Variants in MRE11 observed in about 807,000 individuals in gnomAD.
MRE11 encodes the protein double-strand break repair protein MRE11.
MRE11 carries 62 observed loss-of-function variants against 91.7 expected under a neutral mutation model. The observed-to-expected ratio is 0.68, with a 90% CI of 0.55 to 0.84. The LOEUF is 0.84. Among genes scored for constraint, MRE11 ranks in the 40% least tolerant of loss-of-function variants. MRE11 has a pLI of 0.00. For missense variants in MRE11, 796 were observed against 852.9 expected (o/e 0.93, Z 0.83); for synonymous variants, 273 against 271.4 (o/e 1.01, Z -0.06).
the MRE11 span, among the ~76,000 whole-genome samples, chr11:94,504,938 C>T: frequency 6.6e-6 from 1 of 151,988 alleles, no homozygotes; most frequent in African/African-American, 2.4e-5. Flanking sequence ...AATGATGTAT[C>T]GCCTATACTG....
rs147709039 is a variant in MRE11 at position 94,425,819 on chromosome 11, C to T, written c.2070+4092G>A. 3.3e-5 allele frequency among the ~76,000 whole-genome samples: 5 copies of T among 152,152 alleles called. No individual in the cohort carries two copies. The East Asian group carries it at 9.6e-4, about 29-fold the overall frequency. On this transcript the variant is annotated intron_variant, in intron 19 of 19. Coordinates refer to ENST00000323929, the MANE Select transcript of MRE11 (RefSeq NM_005591.4). ...CTAACTATGCCAAATATATACATGC[C>T]CAGATTCATAAATCAAGTTCTGCTT...
intron 19 of MRE11, among the ~76,000 whole-genome samples, chr11:94,428,617 A>G (rs1236919562): frequency 2.0e-5 from 3 of 152,150 alleles, no homozygotes; most frequent in Admixed American, 1.3e-4. Context: ...TAATCCCAGC[A>G]CTTTGGGAGG....
At position 94,418,891 on chromosome 11, in the gene MRE11, GTC is replaced by G. The variant is rs1476006740; in HGVS notation, c.*1232_*1233del. On this transcript the variant is annotated 3_prime_UTR_variant, in exon 20 of 20. Transcript: ENST00000323929. The stretch of plus-strand genomic sequence containing the variant: ...TGAGGCAGCCACTAACCAAGTGTCT[GTC>G]TCTTATAATTTGACACATTCCAGGT... The G allele has an allele frequency of 1.3e-5, 3 of 230,862 alleles. No individual in the cohort carries two copies. 14.3% of individuals were successfully genotyped at this position (230,862 alleles called of 1,614,324 possible).
chr11:94,433,808 G>A (rs1024369064), intron 18 of MRE11, among the ~76,000 whole-genome samples: 1 of 152,200 alleles, frequency 6.6e-6, no homozygotes, highest in East Asian at 1.9e-4. Context: ...TATCAGCAGT[G>A]AGAAAATGGA....
rs115626184 is a variant in MRE11 at position 94,482,522 on chromosome 11, A to C, written c.315-2761T>G. Reference sequence around the variant, plus strand: ...AAACTGAATCTACACAAAAGAAATGAAATACAAGGAACAACAGTGAGCAAA... The same window carrying C: ...AAACTGAATCTACACAAAAGAAATGCAATACAAGGAACAACAGTGAGCAAA... On this transcript the variant is annotated intron_variant, in intron 4 of 19. Coordinates refer to ENST00000323929, the MANE Select transcript of MRE11 (RefSeq NM_005591.4). 4.5e-3 allele frequency among the ~76,000 whole-genome samples: 680 copies of C among 152,366 alleles called. 6 individuals carry two copies. Among genetic ancestry groups the C allele is most frequent in the African/African-American group, 0.016 (651 of 41,590 alleles).
intron 5 of MRE11, among the ~76,000 whole-genome samples, chr11:94,479,172 T>TTAA (rs1946952136): frequency 6.6e-6 from 1 of 152,204 alleles, no homozygotes; most frequent in African/African-American, 2.4e-5. Context: ...CTTTGTAATA[T>TTAA]TAAGCAACCG....
At chr11:94,455,626 C>CTGAGAAGACCGTG (rs1946230380) in intron 14 of MRE11, among the ~76,000 whole-genome samples, 1 of 152,170 alleles carries the variant, frequency 6.6e-6, no homozygotes, top group Non-Finnish European at 1.5e-5. Flanking sequence ...TGCAATGAGA[C>CTGAGAAGACCGTG]TGAGAAGACA....
chr11:94,491,831 C>T (rs916074349), intron 2 of MRE11, among the ~76,000 whole-genome samples: 1 of 152,186 alleles, frequency 6.6e-6, no homozygotes, highest in African/African-American at 2.4e-5. Context: ...CAAACGATTT[C>T]TCTTCAAAAA....
intron 14 of MRE11, among the ~76,000 whole-genome samples, chr11:94,450,824 T>C (rs1284108655): frequency 6.6e-6 from 1 of 152,100 alleles, no homozygotes; most frequent in East Asian, 1.9e-4. Context: ...AGAATGAAGA[T>C]GAAACCATAT....
At chr11:94,427,651 C>T (rs903635967) in intron 19 of MRE11, among the ~76,000 whole-genome samples, 2 of 151,980 alleles carry the variant, frequency 1.3e-5, no homozygotes, top group Admixed American at 6.6e-5. Context: ...AAAGACCCTG[C>T]CAAAAGGCTC....
chr11:94,502,106 T>A, the MRE11 span, among the ~76,000 whole-genome samples: 1 of 152,192 alleles, frequency 6.6e-6, no homozygotes, highest in Non-Finnish European at 1.5e-5. Flanking sequence ...ATGCTGTATG[T>A]GCTTCACGTG....
rs557480470 is a variant in MRE11 at position 94,440,926 on chromosome 11, T to A, written c.1868-3691A>T. 5.9e-5 allele frequency among the ~76,000 whole-genome samples: 9 copies of A among 151,724 alleles called. No individual in the cohort carries two copies. In the South Asian group the frequency reaches 1.9e-3, roughly 32 times the overall value. On this transcript the variant is annotated intron_variant, in intron 16 of 19. Transcript: ENST00000323929. The stretch of plus-strand genomic sequence containing the variant: ...AGTTGAACTATCACCCACCAGGGGG[T>A]TGCCTCTAGAGATAACAGTCAATTC...
Position 94,460,461 on chromosome 11 carries a change from G to A in MRE11, c.1326+475C>T, listed in dbSNP as rs147036768. On this transcript the variant is annotated intron_variant, in intron 12 of 19. Transcript: ENST00000323929. ...AATGTGAGAAAACTAAATCTGGATT[G>A]AGATCTTTGTAACAGAGATACAAAT... 6.6e-5 allele frequency among the ~76,000 whole-genome samples: 10 copies of A among 152,296 alleles called. No individual in the cohort carries two copies. In the East Asian group the frequency reaches 1.9e-3, roughly 29 times the overall value.
At chr11:94,481,817 T>C (rs1393305672) in intron 4 of MRE11, among the ~76,000 whole-genome samples, 1 of 152,228 alleles carries the variant, frequency 6.6e-6, no homozygotes, top group Non-Finnish European at 1.5e-5. Flanking sequence ...CAAATCTAAT[T>C]GGCTACTAAC....
At chr11:94,490,006 C>A (rs1220794352) in intron 3 of MRE11, among the ~76,000 whole-genome samples, 1 of 152,164 alleles carries the variant, frequency 6.6e-6, no homozygotes, top group Non-Finnish European at 1.5e-5. Flanking sequence ...CCTCTTTTTG[C>A]AGTATCCCTT....
At chr11:94,467,679 T>C (rs1373635762) in intron 10 of MRE11, 134 bp downstream of exon 10, 1 of 727,122 alleles carries the variant, frequency 1.4e-6, no homozygotes, top group African/African-American at 1.8e-5. Context: ...ATATCTTTGT[T>C]TTTGCCTCCG....
intron 4 of MRE11, among the ~76,000 whole-genome samples, chr11:94,483,570 C>T (rs1290784619): frequency 6.6e-6 from 1 of 152,212 alleles, no homozygotes; most frequent in African/African-American, 2.4e-5. Flanking sequence ...ACGTGACTTG[C>T]TCCTCTTGCC....
At chr11:94,500,021 C>T in the MRE11 span, among the ~76,000 whole-genome samples, 17,363 of 152,208 alleles carry the variant, frequency 0.11, 1,114 homozygotes, top group South Asian at 0.17. Context: ...GTTGTGATCT[C>T]TTCCTAGGGA....
chr11:94,482,657 G>A (rs941014191), intron 4 of MRE11, among the ~76,000 whole-genome samples: 2 of 152,204 alleles, frequency 1.3e-5, no homozygotes, highest in African/African-American at 4.8e-5. Context: ...GTCCCGGCTG[G>A]GTGTGGTGGC....
Sources: gnomAD v4.1 joint callset for allele counts (sites outside exome capture counted in the v4.1 genomes callset) on GRCh38, gnomAD v4.1.1 for gene constraint, MANE v1.5 for transcripts, NCBI Gene and HGNC (gene_info 2026-07-23, HGNC 2026-07-21) for gene names.